Variants in EPHA5 observed in about 807,000 individuals in gnomAD.
The protein encoded by EPHA5 is EPH receptor A5.
A neutral mutation model predicts 105.0 loss-of-function variants in EPHA5; 60 were observed. The ratio of observed to expected loss-of-function variants is 0.57; its 90% CI spans 0.46 to 0.71. The LOEUF (loss-of-function observed/expected upper bound fraction) is 0.71. EPHA5 is among the 30% of genes least tolerant of loss of function. The probability of loss-of-function intolerance (pLI) is 0.00; values close to 1 mark genes in which losing one functional copy is unlikely to be tolerated. For synonymous variants in EPHA5, 513 were observed against 449.1 expected (o/e 1.14, Z -1.80); for missense variants, 1,218 against 1,274.7 (o/e 0.96, Z 0.68).
intron 8 of EPHA5, among the ~76,000 whole-genome samples, chr4:65,402,213 G>T (rs1721913851): frequency 6.6e-6 from 1 of 151,922 alleles, no homozygotes; most frequent in African/African-American, 2.4e-5. Flanking sequence ...AGTTTCCTGA[G>T]ACCACCCCCT....
At chr4:65,356,499 G>T (rs142094426) in intron 11 of EPHA5, among the ~76,000 whole-genome samples, 8 of 151,630 alleles carry the variant, frequency 5.3e-5, no homozygotes, top group African/African-American at 1.9e-4. Flanking sequence ...AAAAAAGGGA[G>T]ATGGGCACCT....
At chr4:65,626,100 C>CAAAAAAA (rs11304193) in intron 2 of EPHA5, among the ~76,000 whole-genome samples, 2 of 131,600 alleles carry the variant, frequency 1.5e-5, no homozygotes, top group Non-Finnish European at 1.6e-5. Context: ...CACTCCGTCT[C>CAAAAAAA]AAAAAAAAAA....
At chr4:65,340,621 C>G (rs1721622289) in intron 14 of EPHA5, among the ~76,000 whole-genome samples, 1 of 152,104 alleles carries the variant, frequency 6.6e-6, no homozygotes, top group Non-Finnish European at 1.5e-5. Context: ...AGGTGACATC[C>G]TATGATCAAC....
chr4:65,565,782 A>G (rs1452053485), intron 3 of EPHA5, among the ~76,000 whole-genome samples: 5 of 151,736 alleles, frequency 3.3e-5, no homozygotes, highest in Admixed American at 3.3e-4. Context: ...TTAAAATGCA[A>G]TAAAAAAATT....
intron 3 of EPHA5, among the ~76,000 whole-genome samples, chr4:65,523,946 G>A (rs1418547913): frequency 6.6e-6 from 1 of 151,936 alleles, no homozygotes; most frequent in South Asian, 2.1e-4. Flanking sequence ...CTCTTTGAAA[G>A]CTTAGATGTA....
intron 8 of EPHA5, among the ~76,000 whole-genome samples, chr4:65,371,700 A>T (rs1417399522): frequency 2.6e-5 from 4 of 152,010 alleles, no homozygotes; most frequent in African/African-American, 4.8e-5. Context: ...AGGAAAGGTA[A>T]GTGAATAGAA....
At chr4:65,440,834 A>G (rs899597835) in intron 5 of EPHA5, among the ~76,000 whole-genome samples, 4 of 152,004 alleles carry the variant, frequency 2.6e-5, no homozygotes, top group African/African-American at 7.2e-5. Flanking sequence ...CCATCTCCCT[A>G]TGGGTGTCTT....
chr4:65,656,439 G>A (rs1051981603), intron 1 of EPHA5, among the ~76,000 whole-genome samples: 2 of 151,016 alleles, frequency 1.3e-5, no homozygotes, highest in Admixed American at 6.6e-5. Context: ...TTCTTGATAC[G>A]AGTTTTCCAT....
intron 1 of EPHA5, among the ~76,000 whole-genome samples, chr4:65,661,555 G>C (rs1488165625): frequency 6.6e-6 from 1 of 152,110 alleles, no homozygotes; most frequent in Non-Finnish European, 1.5e-5. Context: ...ACACTGACTA[G>C]AGAAAAACTC....
At chr4:65,576,069 A>AGAGAG (rs1560721263) in intron 3 of EPHA5, among the ~76,000 whole-genome samples, 2 of 80,144 alleles carry the variant, frequency 2.5e-5, no homozygotes, top group Admixed American at 1.6e-4. Context: ...AAAAGAAAAG[A>AGAGAG]AAAGAAAAGA....
intron 3 of EPHA5, chr4:65,573,820 T>C: frequency 6.2e-7 from 1 of 1,613,724 alleles, no homozygotes; most frequent in Non-Finnish European, 8.5e-7. Context: ...ACTGAAGATG[T>C]GCCTCGAAAG....
chr4:65,430,032 A>G (rs575557023), intron 5 of EPHA5, among the ~76,000 whole-genome samples: 1 of 152,182 alleles, frequency 6.6e-6, no homozygotes, highest in Non-Finnish European at 1.5e-5. Context: ...AAAAAAAGCC[A>G]AATCACAACA....
At position 65,602,320 on chromosome 4, in the gene EPHA5, TAGAA is replaced by T; in HGVS notation, c.247-20_247-17del. 1 of 1,396,400 alleles carries T rather than the reference TAGAA, an allele frequency of 7.2e-7. No homozygotes were observed. Among genetic ancestry groups the T allele is most frequent in the Non-Finnish European group, 9.3e-7 (1 of 1,078,534 alleles). 86.5% of individuals were successfully genotyped at this position (1,396,400 alleles called of 1,614,324 possible). A position where few individuals can be genotyped will look rare whatever the true frequency, so the allele number is the denominator to read the frequency against. ...TCTCTTCCCACTGTACAATATAAAATAGAAAGATAAAAAAAATTCAAAAAATAGA... is the reference window on the plus strand; with the variant it reads ...TCTCTTCCCACTGTACAATATAAAATAGATAAAAAAAATTCAAAAAATAGA... On this transcript the variant is annotated splice_polypyrimidine_tract_variant and intron_variant, in intron 2 of 16. Transcript: ENST00000613740.
chr4:65,460,429 T>A (rs1728014230), intron 5 of EPHA5, among the ~76,000 whole-genome samples: 1 of 151,152 alleles, frequency 6.6e-6, no homozygotes, highest in African/African-American at 2.4e-5. Context: ...GAATGAAGAC[T>A]CTACATAGGA....
intron 8 of EPHA5, among the ~76,000 whole-genome samples, chr4:65,388,646 C>A (rs1462712123): frequency 1.5e-5 from 2 of 132,170 alleles, no homozygotes; most frequent in Admixed American, 8.2e-5. Flanking sequence ...ATATCCTTTG[C>A]CCACTTTTTG....
intron 5 of EPHA5, among the ~76,000 whole-genome samples, chr4:65,471,991 G>T (rs937932398): frequency 2.0e-5 from 3 of 152,036 alleles, no homozygotes; most frequent in African/African-American, 7.2e-5. Flanking sequence ...ACCCAAAAGT[G>T]CATAGTCCAA....
intron 1 of EPHA5, among the ~76,000 whole-genome samples, chr4:65,669,260 ATTCCCCAAAGGAGGCCTCGACCTCCT>A: frequency 6.6e-6 from 1 of 151,120 alleles, no homozygotes; most frequent in African/African-American, 2.4e-5. Context: ...ACGGGCCTCC[ATTCCCCAAAGGAGGCCTCGACCTCCT>A]TTCCCCCAAG....
chr4:65,469,387 G>A (rs1274115056), intron 5 of EPHA5, among the ~76,000 whole-genome samples: 1 of 152,072 alleles, frequency 6.6e-6, no homozygotes, highest in Non-Finnish European at 1.5e-5. Context: ...TGCGAAATAG[G>A]TATTCAAGTT....
At chr4:65,465,485 A>AAG (rs1186001854) in intron 5 of EPHA5, among the ~76,000 whole-genome samples, 1 of 111,330 alleles carries the variant, frequency 9.0e-6, no homozygotes, top group African/African-American at 3.1e-5. Flanking sequence ...GAAAGAAAGA[A>AAG]AGAAAGAAAG....
Sources: allele counts gnomAD v4.1 joint callset (sites outside exome capture counted in the v4.1 genomes callset), GRCh38; gene constraint gnomAD v4.1.1; transcripts MANE v1.5; gene names NCBI Gene and HGNC (gene_info 2026-07-23, HGNC 2026-07-21).